The following SLAIN2 variants were observed in gnomAD, a reference collection of about 807,000 sequenced individuals.
SLAIN2 encodes SLAIN family member 2, also known as SLAIN motif-containing protein 2.
A neutral mutation model predicts 56.6 loss-of-function variants in SLAIN2; 31 were observed. The observed-to-expected ratio is 0.55, with a 90% confidence interval of 0.41 to 0.74. The LOEUF (loss-of-function observed/expected upper bound fraction) is 0.74, where lower values mean the gene tolerates loss of function less well. SLAIN2 is among the 30% of genes least tolerant of loss of function. The pLI is 0.00. For missense variants in SLAIN2, 777 were observed against 754.2 expected (o/e 1.03, Z -0.35); for synonymous variants, 317 against 284.9 (o/e 1.11, Z -1.13).
chr4:48,342,320 CAG>C (rs1714734577), intron 1 of SLAIN2, among the ~76,000 whole-genome samples, 192 bp downstream of exon 1: 2 of 152,304 alleles, frequency 1.3e-5, no homozygotes, highest in African/African-American at 2.4e-5. Context: ...GCGCAAGTAA[CAG>C]GGTTGTAGCT....
rs10649464 is a variant in SLAIN2 at position 48,395,810 on chromosome 4, C to CTTTTTTTTTTTTTTTTT, written c.1360+12028_1360+12044dup. ...TGTGGACTTATTTGGGAACCTTAGGCTTTTTTTTTTTTTTTTTTGAGACTT... is the reference window on the plus strand; with the variant it reads ...TGTGGACTTATTTGGGAACCTTAGGCTTTTTTTTTTTTTTTTTTTTTTTTTTTTTTTTTTTGAGACTT... On this transcript the variant is annotated intron_variant, in intron 6 of 7. Transcript: ENST00000264313. Among the ~76,000 whole-genome samples the CTTTTTTTTTTTTTTTTT allele has an allele frequency of 5.5e-5, 4 of 72,770 alleles. 1 individual carries two copies. Among genetic ancestry groups the CTTTTTTTTTTTTTTTTT allele is most frequent in the African/African-American group, 2.7e-4 (4 of 14,720 alleles). The allele number at this position is 72,770 out of a possible 152,430, so 47.7% of individuals were successfully genotyped here.
chr4:48,406,839 T>C (rs2109781118), intron 6 of SLAIN2, among the ~76,000 whole-genome samples: 1 of 152,308 alleles, frequency 6.6e-6, no homozygotes, highest in Non-Finnish European at 1.5e-5. Flanking sequence ...TCACTTTTTC[T>C]TTAACTTAAA....
intron 2 of SLAIN2, among the ~76,000 whole-genome samples, chr4:48,372,763 C>T (rs1285368697): frequency 1.3e-5 from 2 of 152,090 alleles, no homozygotes; most frequent in African/African-American, 2.4e-5. Flanking sequence ...ATTCATAGAA[C>T]AATAGCTACA....
chr4:48,413,928 T>C (rs1716931653), intron 6 of SLAIN2, among the ~76,000 whole-genome samples: 1 of 152,148 alleles, frequency 6.6e-6, no homozygotes. Flanking sequence ...ATTTATTCAG[T>C]TTTTTCATTT....
At chr4:48,396,578 G>T (rs1287751542) in intron 6 of SLAIN2, among the ~76,000 whole-genome samples, 1 of 152,150 alleles carries the variant, frequency 6.6e-6, no homozygotes, top group East Asian at 1.9e-4. Flanking sequence ...ACTGGCAGGA[G>T]CCTCTTCTCT....
intron 2 of SLAIN2, among the ~76,000 whole-genome samples, chr4:48,375,520 C>T (rs1560456384): frequency 6.6e-6 from 1 of 151,814 alleles, no homozygotes; most frequent in Non-Finnish European, 1.5e-5. Flanking sequence ...TTCTAGTCAC[C>T]GTGTACTACC....
At chr4:48,396,528 TC>T (rs1417792114) in intron 6 of SLAIN2, among the ~76,000 whole-genome samples, 1 of 152,154 alleles carries the variant, frequency 6.6e-6, no homozygotes, top group Non-Finnish European at 1.5e-5. Context: ...TTTTCTGATT[TC>T]CCCTCATATC....
At chr4:48,401,394 ATT>A (rs1716552541) in intron 6 of SLAIN2, among the ~76,000 whole-genome samples, 1 of 152,112 alleles carries the variant, frequency 6.6e-6, no homozygotes, top group Non-Finnish European at 1.5e-5. Context: ...TCTCACTATT[ATT>A]GTGTGGGAGT....
chr4:48,390,160 C>T (rs1377738137), intron 6 of SLAIN2, among the ~76,000 whole-genome samples: 1 of 151,300 alleles, frequency 6.6e-6, no homozygotes, highest in Non-Finnish European at 1.5e-5. Context: ...CTGCAACCTC[C>T]ACCTCCCAGG....
chr4:48,382,710 A>G lies in SLAIN2; in HGVS notation c.1005A>G (p.Val335=), dbSNP rs1577723867. ...AAGATGACAATATGCATCATGCAGTATACCCTGCTGTTAACAGGTTTTCAC... is the reference window on the plus strand; with the variant it reads ...AAGATGACAATATGCATCATGCAGTGTACCCTGCTGTTAACAGGTTTTCAC... ...DDEDDNMHHA[V]YPAVNRFSPS... The change falls in exon 5 of 8, where the codon GTA becomes GTG. Residue 335 remains valine (V), a synonymous_variant. Coordinates refer to ENST00000264313, the MANE Select transcript of SLAIN2 (RefSeq NM_020846.2). 6.2e-7 allele frequency: 1 copy of G among 1,613,842 alleles called. No individual in the cohort carries two copies. Among genetic ancestry groups the G allele is most frequent in the Non-Finnish European group, 8.5e-7 (1 of 1,179,870 alleles).
chr4:48,362,566 G>A lies in SLAIN2; in HGVS notation c.390-7283G>A, dbSNP rs144553771. 5.5e-3 allele frequency among the ~76,000 whole-genome samples: 818 copies of A among 149,358 alleles called. 28 individuals carry two copies. The highest frequency in any genetic ancestry group is 7.0e-3 in the East Asian group (36 of 5,120). ...CCCAAGTAGCTGGGGCTACAGGCAC[G>A]TGCTACCATGCCCGGCTACATTTTT... On this transcript the variant is annotated intron_variant, in intron 1 of 7. Coordinates refer to ENST00000264313, the MANE Select transcript of SLAIN2 (RefSeq NM_020846.2).
At chr4:48,365,175 T>TA (rs983034444) in intron 1 of SLAIN2, among the ~76,000 whole-genome samples, 6 of 150,984 alleles carry the variant, frequency 4.0e-5, no homozygotes, top group Admixed American at 6.6e-5. Flanking sequence ...TTTCTGTCTT[T>TA]AAAAAAAAAT....
chr4:48,407,273 T>G (rs181463977), intron 6 of SLAIN2, among the ~76,000 whole-genome samples: 267 of 152,260 alleles, frequency 1.8e-3, no homozygotes, highest in Non-Finnish European at 3.5e-3. Context: ...CTTAGTCTTC[T>G]TCTTAAAATG....
intron 6 of SLAIN2, among the ~76,000 whole-genome samples, chr4:48,387,164 A>G (rs1189449485): frequency 3.3e-5 from 5 of 152,180 alleles, no homozygotes; most frequent in Non-Finnish European, 7.4e-5. Context: ...TAGCATGTCA[A>G]AGCTTTATGG....
chr4:48,341,641 G>A lies in SLAIN2; in HGVS notation c.-99G>A. ...TGGTCCTGCTATATGCCGGCGCCTC[G>A]GCTAGAGTGAGCGGCGGCGACGCCT... On this transcript the variant is annotated 5_prime_UTR_variant, in exon 1 of 8. Transcript: ENST00000264313. 1.4e-6 allele frequency: 2 copies of A among 1,465,098 alleles called. No individual in the cohort carries two copies. The highest frequency in any genetic ancestry group is 1.4e-5 in the South Asian group (1 of 71,708). The allele number at this position is 1,465,098 out of a possible 1,614,324, so 90.8% of individuals were successfully genotyped here.
At chr4:48,342,743 T>C (rs1714754957) in intron 1 of SLAIN2, among the ~76,000 whole-genome samples, 1 of 135,186 alleles carries the variant, frequency 7.4e-6, no homozygotes, top group East Asian at 2.4e-4. Context: ...TTTGTTACTC[T>C]GTGTGAAGAG....
At chr4:48,379,552 T>G (rs961564272) in intron 3 of SLAIN2, 138 bp from the exon 4 acceptor site, 2 of 716,670 alleles carry the variant, frequency 2.8e-6, no homozygotes, top group African/African-American at 3.7e-5. Context: ...ATTTCTAATT[T>G]CAGGGAATTT....
chr4:48,400,201 G>A (rs774218162), intron 6 of SLAIN2, among the ~76,000 whole-genome samples: 44 of 152,020 alleles, frequency 2.9e-4, no homozygotes, highest in Non-Finnish European at 6.0e-4. Flanking sequence ...GGTTTATTCA[G>A]GGATTCAGTT....
intron 6 of SLAIN2, among the ~76,000 whole-genome samples, chr4:48,393,753 A>G (rs1296907356): frequency 6.6e-6 from 1 of 152,188 alleles, no homozygotes; most frequent in Non-Finnish European, 1.5e-5. Flanking sequence ...TGTGAGAGTC[A>G]TCAGTCTGTC....
Sources: gnomAD v4.1 joint callset for allele counts (sites outside exome capture counted in the v4.1 genomes callset) on GRCh38, gnomAD v4.1.1 for gene constraint, MANE v1.5 for transcripts, NCBI Gene and HGNC (gene_info 2026-07-23, HGNC 2026-07-21) for gene names.